The following DENND1A variants were observed in gnomAD, a reference collection of about 807,000 sequenced individuals.
DENND1A encodes DENN domain-containing protein 1A.
Under a neutral mutation model 113.7 loss-of-function variants are expected in DENND1A, and 51 were observed. The ratio of observed to expected loss-of-function variants is 0.45; its 90% CI spans 0.36 to 0.57. The LOEUF (loss-of-function observed/expected upper bound fraction) is 0.57, where lower values mean the gene tolerates loss of function less well. Ranked by LOEUF, DENND1A falls within the 20% of genes least tolerant of loss-of-function variation. The pLI is 0.00. For synonymous variants in DENND1A, 565 were observed against 570.8 expected (o/e 0.99, Z 0.14); for missense variants, 1,258 against 1,395.9 (o/e 0.90, Z 1.57).
intron 11 of DENND1A, among the ~76,000 whole-genome samples, chr9:123,586,037 T>C (rs1182089985): frequency 6.6e-6 from 1 of 151,974 alleles, no homozygotes; most frequent in African/African-American, 2.4e-5. Context: ...CCTTCTTGCT[T>C]GGTCTCTCAC....
intron 15 of DENND1A, among the ~76,000 whole-genome samples, chr9:123,455,809 T>C (rs2132856612): frequency 6.6e-6 from 1 of 152,356 alleles, no homozygotes; most frequent in African/African-American, 2.4e-5. Flanking sequence ...CCTTTCTTCC[T>C]GGAACTCACA....
intron 3 of DENND1A, among the ~76,000 whole-genome samples, chr9:123,779,810 C>T (rs1353585957): frequency 6.6e-6 from 1 of 151,872 alleles, no homozygotes; most frequent in African/African-American, 2.4e-5. Flanking sequence ...ACAGAGGAGA[C>T]TAGACAGGGT....
intron 2 of DENND1A, among the ~76,000 whole-genome samples, chr9:123,866,448 T>TA (rs1845805461): frequency 6.6e-6 from 1 of 152,234 alleles, no homozygotes; most frequent in Admixed American, 6.5e-5. Flanking sequence ...AAAAGAAAAT[T>TA]AGTCAGTTCA....
At chr9:123,767,224 G>C (rs998993454) in intron 4 of DENND1A, among the ~76,000 whole-genome samples, 1 of 152,028 alleles carries the variant, frequency 6.6e-6, no homozygotes, top group African/African-American at 2.4e-5. Context: ...AGTATACCAA[G>C]GTTAGAGGTG....
intron 10 of DENND1A, among the ~76,000 whole-genome samples, chr9:123,618,170 C>A (rs935851204): frequency 1.3e-5 from 2 of 152,216 alleles, no homozygotes; most frequent in African/African-American, 4.8e-5. Flanking sequence ...AAGGCAGGCA[C>A]ACTATCTCCA....
chr9:123,394,245 G>A (rs917618405), intron 21 of DENND1A, among the ~76,000 whole-genome samples: 3 of 152,106 alleles, frequency 2.0e-5, no homozygotes, highest in African/African-American at 4.8e-5. Flanking sequence ...CAATCCATCC[G>A]CCTCGGCCTC....
At chr9:123,403,003 G>A (rs1006851565) in intron 21 of DENND1A, among the ~76,000 whole-genome samples, 10 of 151,958 alleles carry the variant, frequency 6.6e-5, no homozygotes, top group Non-Finnish European at 2.9e-5. Flanking sequence ...GGGCAGTCCT[G>A]TATATAGGTT....
chr9:123,403,534 GA>G, intron 20 of DENND1A, 44 bp from the exon 21 acceptor site: 1 of 1,565,222 alleles, frequency 6.4e-7, no homozygotes, highest in Non-Finnish European at 8.8e-7. Flanking sequence ...GAGTGAGTTG[GA>G]AAAGCCATAC....
chr9:123,601,723 T>C (rs1341588580), intron 11 of DENND1A, among the ~76,000 whole-genome samples: 2 of 152,264 alleles, frequency 1.3e-5, no homozygotes, highest in East Asian at 1.9e-4. Flanking sequence ...TCATATTTGA[T>C]TTAATTGAAT....
At chr9:123,489,491 A>G (rs1185901636) in intron 13 of DENND1A, among the ~76,000 whole-genome samples, 1 of 152,192 alleles carries the variant, frequency 6.6e-6, no homozygotes, top group Non-Finnish European at 1.5e-5. Context: ...CTTTTTCTCT[A>G]TTAACTCTGC....
At chr9:123,770,250 C>G (rs550270935) in intron 3 of DENND1A, among the ~76,000 whole-genome samples, 3 of 152,132 alleles carry the variant, frequency 2.0e-5, no homozygotes, top group African/African-American at 4.8e-5. Flanking sequence ...AAATCTAAAG[C>G]AAACTACCAG....
In DENND1A at chr9:123,452,279, C is replaced by G. The variant is rs2047777195; in HGVS notation, c.1296G>C (p.Lys432Asn). The G allele has an allele frequency of 6.2e-7, 1 of 1,614,120 alleles. No individual in the cohort carries two copies. Among genetic ancestry groups the G allele is most frequent in the Non-Finnish European group, 8.5e-7 (1 of 1,180,050 alleles). Reference sequence around the variant, plus strand: ...TGACAGCAAGACCAGTACTTACGAACTTGTAGACAGTCTTCATGGCCGGAT... The same window carrying G: ...TGACAGCAAGACCAGTACTTACGAAGTTGTAGACAGTCTTCATGGCCGGAT... ...KANPAMKTVY[K>N]FAKDHAKMGI... Residue 432 changes from lysine to asparagine, a missense_variant, in exon 17 of 24, where the codon AAG becomes AAC. Coordinates refer to ENST00000394215, the MANE Select transcript of DENND1A (RefSeq NM_001352964.2).
chr9:123,460,553 C>T (rs1273748386), intron 13 of DENND1A, among the ~76,000 whole-genome samples: 1 of 152,230 alleles, frequency 6.6e-6, no homozygotes, highest in Non-Finnish European at 1.5e-5. Context: ...GACTGCGCCC[C>T]AAATCTATTT....
At chr9:123,655,420 T>C (rs2062888406) in intron 8 of DENND1A, among the ~76,000 whole-genome samples, 1 of 152,024 alleles carries the variant, frequency 6.6e-6, no homozygotes, top group South Asian at 2.1e-4. Flanking sequence ...AGGAAGAACG[T>C]AGCATGTGAC....
chr9:123,447,575 T>G (rs1000518809), intron 18 of DENND1A, among the ~76,000 whole-genome samples: 2 of 152,206 alleles, frequency 1.3e-5, no homozygotes, highest in Non-Finnish European at 2.9e-5. Flanking sequence ...GAGGGCAAGC[T>G]TGGGTTCTTG....
At chr9:123,766,181 C>G (rs753672922) in intron 4 of DENND1A, among the ~76,000 whole-genome samples, 1 of 152,126 alleles carries the variant, frequency 6.6e-6, no homozygotes, top group Non-Finnish European at 1.5e-5. Flanking sequence ...GGGTGTTAGG[C>G]TCTCCCTCCC....
chr9:123,577,900 C>T (rs1028437517), intron 12 of DENND1A, among the ~76,000 whole-genome samples: 2 of 152,160 alleles, frequency 1.3e-5, no homozygotes, highest in African/African-American at 2.4e-5. Flanking sequence ...TTTAGATGTA[C>T]TATCAAGTCA....
At chr9:123,637,365 G>C (rs2061760050) in intron 9 of DENND1A, among the ~76,000 whole-genome samples, 1 of 152,220 alleles carries the variant, frequency 6.6e-6, no homozygotes, top group Admixed American at 6.5e-5. Flanking sequence ...CCCTTTCTCA[G>C]TTTGAGAACT....
chr9:123,741,937 T>C (rs2069060662), intron 5 of DENND1A, among the ~76,000 whole-genome samples: 1 of 152,178 alleles, frequency 6.6e-6, no homozygotes, highest in Admixed American at 6.5e-5. Flanking sequence ...AAAAAGAAAG[T>C]ACTGAGGGAT....
Sources: allele counts gnomAD v4.1 joint callset (sites outside exome capture counted in the v4.1 genomes callset), GRCh38; gene constraint gnomAD v4.1.1; transcripts MANE v1.5; gene names NCBI Gene and HGNC (gene_info 2026-07-23, HGNC 2026-07-21).